Variants in MDGA2 observed in about 807,000 individuals in gnomAD.
The protein encoded by MDGA2 is MAM domain-containing glycosylphosphatidylinositol anchor protein 2.
A neutral mutation model predicts 117.8 loss-of-function variants in MDGA2; 40 were observed. The observed-to-expected ratio is 0.34, with a 90% CI of 0.26 to 0.44. MDGA2 has a LOEUF of 0.44. MDGA2 is among the 20% of genes least tolerant of loss of function. MDGA2 has a pLI of 1.00. For synonymous variants in MDGA2, 452 were observed against 439.0 expected (o/e 1.03, Z -0.37); for missense variants, 1,123 against 1,250.6 (o/e 0.90, Z 1.54).
chr14:46,977,494 T>C (rs1886509760), intron 8 of MDGA2, among the ~76,000 whole-genome samples: 1 of 151,908 alleles, frequency 6.6e-6, no homozygotes, highest in South Asian at 2.1e-4. Flanking sequence ...ATTGTCCACA[T>C]TTTTACATCC....
At chr14:47,588,267 C>CATATATAT (rs1896370261) in intron 1 of MDGA2, among the ~76,000 whole-genome samples, 1 of 122,530 alleles carries the variant, frequency 8.2e-6, no homozygotes, top group Admixed American at 7.9e-5. Flanking sequence ...TATATACACA[C>CATATATAT]ACACACACAC....
intron 1 of MDGA2, among the ~76,000 whole-genome samples, chr14:47,477,803 A>T (rs34362363): frequency 0.46 from 70,141 of 152,028 alleles, 16,427 homozygotes; most frequent in East Asian, 0.61. Flanking sequence ...GAGAAAAAAA[A>T]CTGTGACATC....
intron 1 of MDGA2, among the ~76,000 whole-genome samples, chr14:47,309,536 T>C (rs1311922810): frequency 6.6e-6 from 1 of 152,084 alleles, no homozygotes; most frequent in Non-Finnish European, 1.5e-5. Flanking sequence ...ACATGTTGGG[T>C]AGCATTGTTA....
chr14:46,952,633 G>A (rs1885409051), intron 9 of MDGA2, among the ~76,000 whole-genome samples: 1 of 151,850 alleles, frequency 6.6e-6, no homozygotes, highest in Non-Finnish European at 1.5e-5. Flanking sequence ...TTTGGCTGAA[G>A]AATAATGATT....
intron 1 of MDGA2, among the ~76,000 whole-genome samples, chr14:47,625,719 T>C (rs1278807319): frequency 6.6e-6 from 1 of 152,228 alleles, no homozygotes; most frequent in Non-Finnish European, 1.5e-5. Context: ...CGTCAAGTCT[T>C]ACCAATCACT....
intron 1 of MDGA2, among the ~76,000 whole-genome samples, chr14:47,639,632 T>A (rs1480902485): frequency 6.6e-6 from 1 of 152,146 alleles, no homozygotes; most frequent in Non-Finnish European, 1.5e-5. Flanking sequence ...GCTATTTTTA[T>A]TCTTCTTTTA....
chr14:47,619,642 C>T (rs1488235091), intron 1 of MDGA2, among the ~76,000 whole-genome samples: 1 of 152,192 alleles, frequency 6.6e-6, no homozygotes, highest in Non-Finnish European at 1.5e-5. Context: ...TAGCACAACT[C>T]ACAGATGAGT....
chr14:47,673,631 G>GGTGT (rs1566569365), intron 1 of MDGA2, among the ~76,000 whole-genome samples: 1 of 44,788 alleles, frequency 2.2e-5, no homozygotes, highest in East Asian at 9.5e-4. Context: ...CTATGACCTG[G>GGTGT]ATGTGTGTGT....
intron 6 of MDGA2, among the ~76,000 whole-genome samples, chr14:47,064,301 G>GA (rs1367281770): frequency 6.6e-6 from 1 of 151,900 alleles, no homozygotes; most frequent in Admixed American, 6.6e-5. Context: ...AATCTAAAGG[G>GA]AAAAAGAGAA....
chr14:47,397,446 T>A (rs974943194), intron 1 of MDGA2, among the ~76,000 whole-genome samples: 2 of 151,882 alleles, frequency 1.3e-5, no homozygotes, highest in African/African-American at 2.4e-5. Flanking sequence ...ACCTGAACGT[T>A]CTGCACGTGT....
chr14:47,292,642 TA>T (rs140231083), intron 2 of MDGA2, among the ~76,000 whole-genome samples: 13,823 of 152,184 alleles, frequency 0.091, 762 homozygotes, highest in Non-Finnish European at 0.11. Flanking sequence ...CATTTTTGTG[TA>T]ACTTTCAGGG....
At chr14:47,435,671 C>T (rs1892882186) in intron 1 of MDGA2, among the ~76,000 whole-genome samples, 1 of 152,092 alleles carries the variant, frequency 6.6e-6, no homozygotes, top group African/African-American at 2.4e-5. Flanking sequence ...ATGGTAACAA[C>T]TCACAAGTAT....
intron 1 of MDGA2, among the ~76,000 whole-genome samples, chr14:47,559,952 T>A (rs1895764252): frequency 6.6e-6 from 1 of 152,230 alleles, no homozygotes; most frequent in South Asian, 2.1e-4. Flanking sequence ...ATGGCACGTC[T>A]AAGTTCTTTG....
chr14:47,377,536 T>C (rs1469588744), intron 1 of MDGA2, among the ~76,000 whole-genome samples: 1 of 151,980 alleles, frequency 6.6e-6, no homozygotes, highest in African/African-American at 2.4e-5. Context: ...TTTCCAACAG[T>C]CTTAGCAAAC....
At chr14:47,648,408 T>C (rs775761536) in intron 1 of MDGA2, among the ~76,000 whole-genome samples, 52 of 152,170 alleles carry the variant, frequency 3.4e-4, no homozygotes, top group Admixed American at 3.9e-4. Flanking sequence ...CCAATGACAG[T>C]ATATGCCATT....
chr14:47,543,694 T>C (rs1895398994), intron 1 of MDGA2, among the ~76,000 whole-genome samples: 1 of 152,250 alleles, frequency 6.6e-6, no homozygotes, highest in Non-Finnish European at 1.5e-5. Context: ...GGTATAGTCA[T>C]AAATCATCTA....
At chr14:47,120,768 A>G (rs552317596) in intron 5 of MDGA2, among the ~76,000 whole-genome samples, 1 of 152,270 alleles carries the variant, frequency 6.6e-6, no homozygotes, top group East Asian at 1.9e-4. Flanking sequence ...CAGCATACCA[A>G]TCTTCTCTCC....
At chr14:47,051,043 T>C (rs1379694419) in intron 7 of MDGA2, among the ~76,000 whole-genome samples, 4 of 151,974 alleles carry the variant, frequency 2.6e-5, no homozygotes, top group African/African-American at 9.7e-5. Context: ...TGCAAGGCCT[T>C]TGTCAAAGGG....
intron 16 of MDGA2, among the ~76,000 whole-genome samples, chr14:46,845,354 A>C (rs1880792937): frequency 6.6e-6 from 1 of 152,158 alleles, no homozygotes; most frequent in Non-Finnish European, 1.5e-5. Context: ...TTTATAAATT[A>C]CCCAGTGTTG....
Sources: allele counts gnomAD v4.1 joint callset (sites outside exome capture counted in the v4.1 genomes callset), GRCh38; gene constraint gnomAD v4.1.1; transcripts MANE v1.5; gene names NCBI Gene and HGNC (gene_info 2026-07-23, HGNC 2026-07-21).